AGBL1: variants seen among roughly 807,000 people sequenced by gnomAD.
AGBL1 encodes the protein cytosolic carboxypeptidase 4.
Under a neutral mutation model 118.9 loss-of-function variants are expected in AGBL1, and 130 were observed. That is an observed-to-expected ratio of 1.09 (90% CI 0.95 to 1.26). The LOEUF is 1.26. Among genes scored for constraint, AGBL1 ranks in the 50% most tolerant of loss-of-function variants. The probability of loss-of-function intolerance (pLI) is 0.00; values close to 1 mark genes in which losing one functional copy is unlikely to be tolerated. For synonymous variants in AGBL1, 555 were observed against 478.9 expected, an observed-to-expected ratio of 1.16 and a Z score of -2.08; for missense variants, 1,584 against 1,298.1, an observed-to-expected ratio of 1.22 and a Z score of -3.38.
intron 21 of AGBL1, among the ~76,000 whole-genome samples, chr15:86,655,066 G>C (rs541038018): frequency 6.6e-6 from 1 of 152,178 alleles, no homozygotes; most frequent in Non-Finnish European, 1.5e-5. Context: ...CTGTTTATAA[G>C]GGAGGTAAGG....
intron 21 of AGBL1, among the ~76,000 whole-genome samples, chr15:86,561,055 G>A (rs1244401386): frequency 6.6e-6 from 1 of 152,204 alleles, no homozygotes; most frequent in Non-Finnish European, 1.5e-5. Flanking sequence ...CAGATGAGTA[G>A]ATTGCAAACA....
In AGBL1 at chr15:86,262,912, G is replaced by A. The variant is rs769765314; in HGVS notation, c.1086+18G>A. The A allele has an allele frequency of 4.5e-6, 7 of 1,564,796 alleles. No individual in the cohort carries two copies. The highest frequency in any genetic ancestry group is 3.5e-5 in the South Asian group (3 of 86,104). Reference sequence around the variant, plus strand: ...GCTTTGAGGTAGGACATATGCTGTGGTTCTGATCTTTGACGATGCATGATG... The same window carrying A: ...GCTTTGAGGTAGGACATATGCTGTGATTCTGATCTTTGACGATGCATGATG... On this transcript the variant is annotated intron_variant, in intron 10 of 22. Transcript: ENST00000614907.
At chr15:86,451,282 A>C (rs1413432463) in intron 18 of AGBL1, among the ~76,000 whole-genome samples, 2 of 152,212 alleles carry the variant, frequency 1.3e-5, no homozygotes, top group Non-Finnish European at 2.9e-5. Context: ...TAAGAAGAGA[A>C]AGAGTGTAAA....
intron 21 of AGBL1, among the ~76,000 whole-genome samples, chr15:86,574,711 G>A (rs933334967): frequency 1.3e-5 from 2 of 150,248 alleles, no homozygotes; most frequent in Non-Finnish European, 3.0e-5. Flanking sequence ...CTGAGTACCT[G>A]GGACTACAGG....
intron 1 of AGBL1, among the ~76,000 whole-genome samples, chr15:86,102,798 CT>C (rs1468682503): frequency 6.6e-6 from 1 of 152,120 alleles, no homozygotes; most frequent in Non-Finnish European, 1.5e-5. Context: ...TTGGGGATCT[CT>C]AAGCTTTCTG....
chr15:86,364,878 C>A (rs114609983), intron 17 of AGBL1, among the ~76,000 whole-genome samples: 1 of 149,830 alleles, frequency 6.7e-6, no homozygotes, highest in East Asian at 2.0e-4. Context: ...TTACAATGCA[C>A]CTTTCATGCT....
intron 18 of AGBL1, among the ~76,000 whole-genome samples, chr15:86,461,679 C>G (rs1314030317): frequency 1.3e-5 from 2 of 152,022 alleles, no homozygotes; most frequent in Non-Finnish European, 2.9e-5. Flanking sequence ...TATATAAAAC[C>G]CGGAAAATAT....
intron 24 of AGBL1, among the ~76,000 whole-genome samples, chr15:86,992,698 T>C (rs2081346238): frequency 1.3e-5 from 2 of 149,642 alleles, no homozygotes; most frequent in African/African-American, 5.0e-5. Context: ...CAACCAGGAT[T>C]GCAAGGAAGT....
chr15:86,796,315 G>A (rs1412272548), intron 22 of AGBL1, among the ~76,000 whole-genome samples: 1 of 152,166 alleles, frequency 6.6e-6, no homozygotes, highest in Non-Finnish European at 1.5e-5. Context: ...AATACACTCT[G>A]TCCTTTCATT....
intron 1 of AGBL1, among the ~76,000 whole-genome samples, chr15:86,139,568 G>A (rs1404103751): frequency 6.6e-6 from 1 of 151,452 alleles, no homozygotes; most frequent in Non-Finnish European, 1.5e-5. Flanking sequence ...AGATCATCCT[G>A]GTTAACATGG....
At chr15:86,763,701 C>G (rs8034076) in intron 22 of AGBL1, among the ~76,000 whole-genome samples, 2 of 152,038 alleles carry the variant, frequency 1.3e-5, no homozygotes, top group East Asian at 3.9e-4. Flanking sequence ...GGACTGTGTC[C>G]TAGCCCTGGC....
chr15:86,641,169 A>G (rs184301784), intron 21 of AGBL1, among the ~76,000 whole-genome samples: 47 of 152,236 alleles, frequency 3.1e-4, no homozygotes, highest in African/African-American at 1.1e-3. Flanking sequence ...AAGATTTTGT[A>G]TATGATGTTT....
At chr15:87,005,737 G>C (rs1156992695) in intron 24 of AGBL1, among the ~76,000 whole-genome samples, 1 of 152,176 alleles carries the variant, frequency 6.6e-6, no homozygotes, top group Admixed American at 6.5e-5. Flanking sequence ...TTGCTGGTGA[G>C]GAGGTGCATT....
chr15:86,606,480 G>A (rs1228822774), intron 21 of AGBL1, among the ~76,000 whole-genome samples: 1 of 152,084 alleles, frequency 6.6e-6, no homozygotes, highest in Non-Finnish European at 1.5e-5. Flanking sequence ...TGACATTATT[G>A]GACACCTGAT....
chr15:86,881,517 T>G (rs2079891481), intron 22 of AGBL1, among the ~76,000 whole-genome samples: 1 of 152,224 alleles, frequency 6.6e-6, no homozygotes, highest in Non-Finnish European at 1.5e-5. Flanking sequence ...TCTTTTTCCA[T>G]TTCCCTTATT....
chr15:86,638,251 T>C (rs890311232), intron 21 of AGBL1, among the ~76,000 whole-genome samples: 1 of 152,234 alleles, frequency 6.6e-6, no homozygotes, highest in African/African-American at 2.4e-5. Flanking sequence ...TTGTGTTTTG[T>C]GTAGTGACCA....
chr15:86,084,978 A>G (rs905062025), intron 1 of AGBL1, among the ~76,000 whole-genome samples: 7 of 152,220 alleles, frequency 4.6e-5, no homozygotes, highest in African/African-American at 7.2e-5. Flanking sequence ...TTATAAGTTT[A>G]GAGAAAATTT....
intron 22 of AGBL1, among the ~76,000 whole-genome samples, chr15:86,702,637 C>T (rs1435612670): frequency 6.6e-6 from 1 of 152,146 alleles, no homozygotes; most frequent in Non-Finnish European, 1.5e-5. Context: ...CCTCATTGCA[C>T]TATCCTCTTT....
chr15:86,729,403 C>G (rs751443007), intron 22 of AGBL1, among the ~76,000 whole-genome samples: 1 of 152,040 alleles, frequency 6.6e-6, no homozygotes. Context: ...GCATAGTACC[C>G]AATGGGTAGT....
Sources: allele counts gnomAD v4.1 joint callset (sites outside exome capture counted in the v4.1 genomes callset), GRCh38; gene constraint gnomAD v4.1.1; transcripts MANE v1.5; gene names NCBI Gene and HGNC (gene_info 2026-07-23, HGNC 2026-07-21).